PDE1A: variants seen among roughly 807,000 people sequenced by gnomAD.
PDE1A encodes the protein dual specificity calcium/calmodulin-dependent 3',5'-cyclic nucleotide phosphodiesterase 1A.
PDE1A carries 35 observed loss-of-function variants against 61.7 expected under a neutral mutation model. The ratio of observed to expected loss-of-function variants is 0.57; its 90% CI spans 0.43 to 0.75. The LOEUF is 0.75. Among genes scored for constraint, PDE1A ranks in the 30% least tolerant of loss-of-function variants. The probability of loss-of-function intolerance (pLI) is 0.00; values close to 1 mark genes in which losing one functional copy is unlikely to be tolerated. For synonymous variants in PDE1A, 232 were observed against 213.2 expected (o/e 1.09, Z -0.77); for missense variants, 597 against 630.6 (o/e 0.95, Z 0.57).
intron 2 of PDE1A, among the ~76,000 whole-genome samples, chr2:182,510,731 C>T (rs1210139462): frequency 6.6e-6 from 1 of 152,150 alleles, no homozygotes; most frequent in Non-Finnish European, 1.5e-5. Flanking sequence ...TATAAGGCTA[C>T]CTCAAGATGT....
At chr2:182,401,159 T>C (rs1177792886) in intron 1 of PDE1A, among the ~76,000 whole-genome samples, 1 of 152,132 alleles carries the variant, frequency 6.6e-6, no homozygotes, top group Non-Finnish European at 1.5e-5. Context: ...GGGACTCTTC[T>C]CTAACTCATT....
chr2:182,382,218 CAT>C (rs1354653874), intron 1 of PDE1A, among the ~76,000 whole-genome samples: 9 of 152,176 alleles, frequency 5.9e-5, no homozygotes, highest in East Asian at 1.9e-4. Flanking sequence ...AATCTAATCA[CAT>C]GAGTCCTTTA....
At chr2:182,649,908 TA>T in the PDE1A span, among the ~76,000 whole-genome samples, 370 of 152,200 alleles carry the variant, frequency 2.4e-3, 3 homozygotes, top group African/African-American at 8.5e-3. Flanking sequence ...GTGCCCGGCC[TA>T]CAAAAAAATT....
At chr2:182,523,241 G>A (rs903483400), upstream of PDE1A, 3 of 152,168 alleles carry the variant, frequency 2.0e-5, no homozygotes, top group African/African-American at 7.2e-5. Context: ...GCACTTGTGT[G>A]TGTGTGTGTT....
chr2:182,191,169 A>C (rs1685655935), intron 10 of PDE1A, among the ~76,000 whole-genome samples: 1 of 152,072 alleles, frequency 6.6e-6, no homozygotes. Context: ...AAGGATTTCC[A>C]CTTTTGAAAG....
At chr2:182,196,690 T>C (rs1686157940) in intron 10 of PDE1A, among the ~76,000 whole-genome samples, 1 of 151,220 alleles carries the variant, frequency 6.6e-6, no homozygotes, top group African/African-American at 2.4e-5. Context: ...TTGCCAATTT[T>C]TGAACTTCAT....
At chr2:182,682,040 G>A in the PDE1A span, among the ~76,000 whole-genome samples, 1 of 152,138 alleles carries the variant, frequency 6.6e-6, no homozygotes, top group Non-Finnish European at 1.5e-5. Flanking sequence ...TATTTCTTGA[G>A]ACCTCCTTTT....
intron 7 of PDE1A, among the ~76,000 whole-genome samples, chr2:182,212,145 A>G (rs2125537163): frequency 6.6e-6 from 1 of 152,068 alleles, no homozygotes; most frequent in Admixed American, 6.5e-5. Context: ...TAGGTTTTTT[A>G]TAAATAGATA....
chr2:182,211,205 A>C (rs995043072), intron 7 of PDE1A, among the ~76,000 whole-genome samples: 2 of 152,178 alleles, frequency 1.3e-5, no homozygotes, highest in African/African-American at 4.8e-5. Context: ...TTGTGTCTAG[A>C]TTCTTCTTTG....
At chr2:182,229,873 C>T in intron 6 of PDE1A, 133 bp downstream of exon 6, 1 of 534,872 alleles carries the variant, frequency 1.9e-6, no homozygotes, top group Admixed American at 3.7e-5. Flanking sequence ...TTCAAAAATC[C>T]AAACAATTAT....
the PDE1A span, among the ~76,000 whole-genome samples, chr2:182,531,181 A>C: frequency 2.0e-5 from 3 of 151,940 alleles, no homozygotes; most frequent in Non-Finnish European, 4.4e-5. Context: ...CTAAAAAAAA[A>C]GTGCTCAAGT....
At chr2:182,326,535 A>G (rs887854109) in intron 1 of PDE1A, among the ~76,000 whole-genome samples, 1 of 152,204 alleles carries the variant, frequency 6.6e-6, no homozygotes, top group African/African-American at 2.4e-5. Context: ...ATTCACAGAA[A>G]CAGAAAATAG....
At chr2:182,379,285 A>G (rs1387924703) in intron 1 of PDE1A, among the ~76,000 whole-genome samples, 2 of 152,242 alleles carry the variant, frequency 1.3e-5, no homozygotes, top group Non-Finnish European at 2.9e-5. Flanking sequence ...AAGTCCTGCA[A>G]TGTTAAAAGC....
chr2:182,181,667 G>A (rs1490982832), intron 13 of PDE1A, among the ~76,000 whole-genome samples: 1 of 152,200 alleles, frequency 6.6e-6, no homozygotes, highest in Non-Finnish European at 1.5e-5. Context: ...CTGACCCTGC[G>A]ACTGCAGCTG....
chr2:182,355,507 A>T (rs1490297357), intron 1 of PDE1A, among the ~76,000 whole-genome samples: 1 of 152,042 alleles, frequency 6.6e-6, no homozygotes, highest in African/African-American at 2.4e-5. Flanking sequence ...AACACTCCAG[A>T]TAATACTTCA....
the PDE1A span, among the ~76,000 whole-genome samples, chr2:182,636,749 A>G: frequency 0.62 from 93,676 of 152,064 alleles, 29,092 homozygotes; most frequent in Admixed American, 0.71. Context: ...GTCTCACAGG[A>G]TGCCCGATGA....
chr2:182,299,690 A>G (rs1302155775), intron 1 of PDE1A, among the ~76,000 whole-genome samples: 3 of 151,986 alleles, frequency 2.0e-5, no homozygotes, highest in Non-Finnish European at 4.4e-5. Flanking sequence ...AAAGCCTCTG[A>G]TATACAGTAT....
the PDE1A span, among the ~76,000 whole-genome samples, chr2:182,640,902 C>T: frequency 6.6e-6 from 1 of 151,294 alleles, no homozygotes; most frequent in African/African-American, 2.4e-5. Flanking sequence ...CAGCTGTAAT[C>T]CCAGCCACCT....
chr2:182,374,772 C>T (rs1014797261), intron 1 of PDE1A, among the ~76,000 whole-genome samples: 1 of 152,174 alleles, frequency 6.6e-6, no homozygotes, highest in African/African-American at 2.4e-5. Flanking sequence ...CAATGATTTA[C>T]CACTTTTGTA....
Sources: allele counts gnomAD v4.1 joint callset (sites outside exome capture counted in the v4.1 genomes callset), GRCh38; gene constraint gnomAD v4.1.1; transcripts MANE v1.5; gene names NCBI Gene and HGNC (gene_info 2026-07-23, HGNC 2026-07-21).